SPTLC2: variants seen among roughly 807,000 people sequenced by gnomAD.
The protein encoded by SPTLC2 is serine palmitoyltransferase long chain base subunit 2.
A neutral mutation model predicts 62.0 loss-of-function variants in SPTLC2; 21 were observed. The ratio of observed to expected loss-of-function variants is 0.34; its 90% CI spans 0.24 to 0.49. The LOEUF is 0.49. SPTLC2 is among the 20% of genes least tolerant of loss of function. The probability of loss-of-function intolerance (pLI) is 0.99; values close to 1 mark genes in which losing one functional copy is unlikely to be tolerated. For synonymous variants in SPTLC2, 261 were observed against 261.8 expected (o/e 1.00, Z 0.03); for missense variants, 511 against 713.0 (o/e 0.72, Z 3.23).
At chr14:77,548,723 T>C (rs1373009175) in intron 9 of SPTLC2, among the ~76,000 whole-genome samples, 1 of 152,172 alleles carries the variant, frequency 6.6e-6, no homozygotes, top group African/African-American at 2.4e-5. Context: ...TGTCCTGTTC[T>C]TCCTTGGGAA....
intron 5 of SPTLC2, among the ~76,000 whole-genome samples, chr14:77,567,811 A>AT: frequency 7.2e-6 from 1 of 138,662 alleles, no homozygotes; most frequent in South Asian, 2.2e-4. Flanking sequence ...TCTTTTTCTA[A>AT]TTTTTTAAGC....
chr14:77,570,598 G>C (rs1348999800), intron 4 of SPTLC2, 90 bp from the exon 5 acceptor site: 1 of 1,502,476 alleles, frequency 6.7e-7, no homozygotes, highest in Non-Finnish European at 9.2e-7. Flanking sequence ...TAGTATATGT[G>C]TTGTGTCCTT....
chr14:77,563,724 C>A (rs752878767), intron 5 of SPTLC2, among the ~76,000 whole-genome samples: 2 of 152,184 alleles, frequency 1.3e-5, no homozygotes, highest in Non-Finnish European at 2.9e-5. Context: ...CTGTGCCTGG[C>A]TGAAAACTGT....
chr14:77,593,640 T>C (rs117577610), intron 2 of SPTLC2, among the ~76,000 whole-genome samples: 2 of 152,362 alleles, frequency 1.3e-5, no homozygotes, highest in Non-Finnish European at 2.9e-5. Context: ...TGTGATTTAG[T>C]TGTATTCAAA....
At chr14:77,603,821 C>A (rs1437534713) in intron 1 of SPTLC2, among the ~76,000 whole-genome samples, 2 of 152,236 alleles carry the variant, frequency 1.3e-5, no homozygotes, top group Non-Finnish European at 2.9e-5. Flanking sequence ...GGAGTTATCA[C>A]ACTGGCCACC....
Position 77,529,588 on chromosome 14 carries a change from T to TC in SPTLC2, c.1304-8008dup, listed in dbSNP as rs1257951582. Among the ~76,000 whole-genome samples, 3 of 150,926 alleles carry TC rather than the reference T, an allele frequency of 2.0e-5. No homozygotes were observed. The East Asian group carries it at 5.9e-4, about 29-fold the overall frequency. ...AGGCCCAATTAATGTTTGCTTTTTT[T>TC]CACTTTTTCTAGGAAAGCAATTTCT... On this transcript the variant is annotated intron_variant, in intron 9 of 11. Coordinates refer to ENST00000216484, the MANE Select transcript of SPTLC2 (RefSeq NM_004863.4).
In SPTLC2 at chr14:77,576,670, T is replaced by G. The variant is rs1214642166; in HGVS notation, c.631+97A>C. ...ACCTTATCTAAATGACATGACAAAG[T>G]GTAGATATTTAATACTCTAGGTCAA... On this transcript the variant is annotated intron_variant, in intron 4 of 11. Coordinates refer to ENST00000216484, the MANE Select transcript of SPTLC2 (RefSeq NM_004863.4). 4 of 1,521,620 alleles carry G rather than the reference T, an allele frequency of 2.6e-6. No individual in the cohort carries two copies. In the Admixed American group the frequency reaches 6.8e-5, roughly 26 times the overall value. 94.3% of individuals were successfully genotyped at this position (1,521,620 alleles called of 1,614,324 possible).
At chr14:77,550,005 T>C (rs2079547722) in intron 9 of SPTLC2, among the ~76,000 whole-genome samples, 1 of 152,336 alleles carries the variant, frequency 6.6e-6, no homozygotes, top group East Asian at 1.9e-4. Context: ...AAATGCTAGC[T>C]GTATGTATAT....
chr14:77,531,481 C>A (rs10145039), intron 9 of SPTLC2, among the ~76,000 whole-genome samples: 1 of 90,240 alleles, frequency 1.1e-5, no homozygotes. Flanking sequence ...CTCCCCCTCC[C>A]CCTCCTCCTC....
intron 5 of SPTLC2, among the ~76,000 whole-genome samples, chr14:77,569,925 A>G (rs1189051397): frequency 7.1e-6 from 1 of 141,310 alleles, no homozygotes; most frequent in Admixed American, 7.2e-5. Flanking sequence ...TCAGCCTCCC[A>G]AAGCACTGGG....
chr14:77,608,792 G>A (rs1465853262), intron 1 of SPTLC2, among the ~76,000 whole-genome samples: 3 of 152,144 alleles, frequency 2.0e-5, no homozygotes, highest in South Asian at 2.1e-4. Flanking sequence ...GGTAGGTCAC[G>A]CCTGTAATTC....
At chr14:77,554,064 C>T (rs974358338) in intron 8 of SPTLC2, among the ~76,000 whole-genome samples, 1 of 152,146 alleles carries the variant, frequency 6.6e-6, no homozygotes, top group Admixed American at 6.6e-5. Context: ...GTAATCCTCC[C>T]ACTTCAGCCT....
At chr14:77,546,344 C>T (rs962183496) in intron 9 of SPTLC2, among the ~76,000 whole-genome samples, 1 of 152,162 alleles carries the variant, frequency 6.6e-6, no homozygotes, top group African/African-American at 2.4e-5. Flanking sequence ...CAAGAAGCTG[C>T]TTTGATTGCT....
At chr14:77,566,686 T>C (rs1345068856) in intron 5 of SPTLC2, among the ~76,000 whole-genome samples, 1 of 152,126 alleles carries the variant, frequency 6.6e-6, no homozygotes, top group African/African-American at 2.4e-5. Flanking sequence ...GGTCTCGATC[T>C]CCTGACCTCG....
At chr14:77,574,933 C>T (rs1188142459) in intron 4 of SPTLC2, among the ~76,000 whole-genome samples, 1 of 152,160 alleles carries the variant, frequency 6.6e-6, no homozygotes, top group East Asian at 1.9e-4. Flanking sequence ...TGGGGCCAGG[C>T]ATGGTGACTC....
intron 1 of SPTLC2, among the ~76,000 whole-genome samples, chr14:77,605,154 C>T (rs925998613): frequency 6.6e-6 from 1 of 151,788 alleles, no homozygotes; most frequent in African/African-American, 2.4e-5. Flanking sequence ...TGAGACTATA[C>T]AAGTGCCCGC....
intron 1 of SPTLC2, among the ~76,000 whole-genome samples, chr14:77,615,683 G>T (rs1376164423): frequency 4.6e-5 from 7 of 152,214 alleles, no homozygotes; most frequent in Non-Finnish European, 8.8e-5. Flanking sequence ...AAATATTTTA[G>T]AACTGCCTGA....
chr14:77,529,802 C>A (rs1307531357), intron 9 of SPTLC2, among the ~76,000 whole-genome samples: 1 of 151,136 alleles, frequency 6.6e-6, no homozygotes, highest in Non-Finnish European at 1.5e-5. Flanking sequence ...TTTGTATTTT[C>A]AGTAGAGATG....
At chr14:77,601,300 C>T (rs35503744) in intron 1 of SPTLC2, among the ~76,000 whole-genome samples, 26,451 of 152,082 alleles carry the variant, frequency 0.17, 2,665 homozygotes, top group East Asian at 0.43. Flanking sequence ...CCACCCTAAC[C>T]GATCAATGTA....
Sources: gnomAD v4.1 joint callset for allele counts (sites outside exome capture counted in the v4.1 genomes callset) on GRCh38, gnomAD v4.1.1 for gene constraint, MANE v1.5 for transcripts, NCBI Gene and HGNC (gene_info 2026-07-23, HGNC 2026-07-21) for gene names.